Variants in ODF2 observed in about 807,000 individuals in gnomAD.
ODF2 encodes outer dense fiber of sperm tails 2.
In ODF2, 47 loss-of-function variants were observed where a neutral mutation model predicts 110.2. The observed-to-expected ratio is 0.43, with a 90% CI of 0.34 to 0.54. The LOEUF (loss-of-function observed/expected upper bound fraction) is 0.54. Ranked by LOEUF, ODF2 falls within the 20% of genes least tolerant of loss-of-function variation. The pLI, the probability that ODF2 is intolerant of heterozygous loss-of-function variation, is 0.03. For synonymous variants in ODF2, 352 were observed against 397.7 expected, an observed-to-expected ratio of 0.89 and a Z score of 1.37; for missense variants, 812 against 1,054.5, an observed-to-expected ratio of 0.77 and a Z score of 3.19.
chr9:128,462,306 A>C (rs1440830502), intron 4 of ODF2, among the ~76,000 whole-genome samples: 1 of 151,824 alleles, frequency 6.6e-6, no homozygotes, highest in Non-Finnish European at 1.5e-5. Flanking sequence ...ATGCACCACC[A>C]TCCCGGCTAG....
chr9:128,471,088 A>G (rs768200145), intron 5 of ODF2, among the ~76,000 whole-genome samples: 1 of 151,592 alleles, frequency 6.6e-6, no homozygotes, highest in Non-Finnish European at 1.5e-5. Flanking sequence ...TAATTTTTGT[A>G]TTTTCAGTAG....
intron 4 of ODF2, among the ~76,000 whole-genome samples, chr9:128,467,736 C>A (rs1303371085): frequency 8.8e-6 from 1 of 113,270 alleles, no homozygotes; most frequent in Non-Finnish European, 1.9e-5. Context: ...TGGAGTGAGA[C>A]CCTGTCTCAA....
At position 128,488,026 on chromosome 9, in the gene ODF2, G is replaced by T; in HGVS notation, c.1536+1G>T. The T allele has an allele frequency of 6.2e-7, 1 of 1,613,734 alleles. No homozygotes were observed. Among genetic ancestry groups the T allele is most frequent in the Non-Finnish European group, 8.5e-7 (1 of 1,179,854 alleles). On this transcript the variant is annotated splice_donor_variant, in intron 14 of 20. Coordinates refer to ENST00000604420, the Ensembl canonical transcript of ODF2. LOFTEE classifies it high-confidence loss of function. Reference sequence around the variant, plus strand: ...CAAGCTGGAGAATGAGAGGCTGAAGGTTCGCAGTGAGAGCTGGGGACCAGG... The same window carrying T: ...CAAGCTGGAGAATGAGAGGCTGAAGTTTCGCAGTGAGAGCTGGGGACCAGG...
At chr9:128,469,522 G>A (rs1839178814) in intron 5 of ODF2, 169 bp downstream of exon 5, 4 of 653,926 alleles carry the variant, frequency 6.1e-6, no homozygotes, top group South Asian at 1.8e-5. Context: ...GGGCAGCATG[G>A]GATCCCATCC....
chr9:128,462,497 T>A (rs1836743399), intron 4 of ODF2, among the ~76,000 whole-genome samples: 1 of 152,146 alleles, frequency 6.6e-6, no homozygotes, highest in South Asian at 2.1e-4. Context: ...GATTCAGCTG[T>A]TCTGGAGTCA....
At chr9:128,465,386 C>T (rs907158798) in intron 4 of ODF2, among the ~76,000 whole-genome samples, 1 of 152,138 alleles carries the variant, frequency 6.6e-6, no homozygotes, top group South Asian at 2.1e-4. Flanking sequence ...TATCTTACAA[C>T]TCCTGGAATA....
At position 128,473,479 on chromosome 9, in the gene ODF2, A is replaced by G; in HGVS notation, c.712-131A>G. The G allele has an allele frequency of 3.5e-6, 5 of 1,415,722 alleles. No individual in the cohort carries two copies. In the Admixed American group the frequency reaches 7.3e-5, roughly 21 times the overall value. The allele number at this position is 1,415,722 out of a possible 1,614,324, so 87.7% of individuals were successfully genotyped here. The stretch of plus-strand genomic sequence containing the variant: ...ACCGCTTCCAGGAAACCTGCCCTTG[A>G]TCACCTTGGCACTGTACACAGCCTG... On this transcript the variant is annotated intron_variant, in intron 7 of 20. Transcript: ENST00000604420.
At chr9:128,482,730 G>C in intron 9 of ODF2, 86 bp from the exon 10 acceptor site, 1 of 988,542 alleles carries the variant, frequency 1.0e-6, no homozygotes, top group Non-Finnish European at 1.6e-6. Context: ...GGCCCCAGTG[G>C]CCAGGTACTC....
intron 1 of ODF2, 29 bp downstream of exon 1, chr9:128,456,284 G>A (rs1212433081): frequency 5.2e-6 from 8 of 1,523,860 alleles, no homozygotes; most frequent in Non-Finnish European, 7.0e-6. Context: ...GCGGGATCCA[G>A]CGCCCTCCGG....
intron 3 of ODF2, chr9:128,460,663 C>T (rs368098001): frequency 1.1e-5 from 18 of 1,613,978 alleles, no homozygotes; most frequent in Non-Finnish European, 1.5e-5. Flanking sequence ...CGACCAGCAG[C>T]CAGGTAGGAG....
intron 10 of ODF2, among the ~76,000 whole-genome samples, chr9:128,483,720 A>C (rs1842852528): frequency 6.6e-6 from 1 of 151,968 alleles, no homozygotes. Context: ...CCCTGTCTCT[A>C]CTAAAAATAC....
At chr9:128,497,446 A>AAAAATATAAATAT (rs1554857542) in intron 18 of ODF2, 1 of 42,598 alleles carries the variant, frequency 2.3e-5, no homozygotes, top group Admixed American at 3.8e-4. Flanking sequence ...AAAAAAAAAA[A>AAAAATATAAATAT]ATATATATAT....
chr9:128,461,551 T>C (rs755539884), intron 4 of ODF2, among the ~76,000 whole-genome samples: 1 of 152,158 alleles, frequency 6.6e-6, no homozygotes, highest in Non-Finnish European at 1.5e-5. Context: ...CCCTAGTAGC[T>C]GGGACTACAG....
chr9:128,462,444 C>G lies in ODF2; in HGVS notation c.249+1377C>G, dbSNP rs574211983. On this transcript the variant is annotated intron_variant, in intron 4 of 20. Coordinates refer to ENST00000604420, the Ensembl canonical transcript of ODF2. The stretch of plus-strand genomic sequence containing the variant: ...GATTACAGGTGTGAGCCACCACACC[C>G]GGCCCGAATCTTTTAAAACGTTTTT... Among the ~76,000 whole-genome samples, 14 of 151,680 alleles carry G rather than the reference C, an allele frequency of 9.2e-5. No homozygotes were observed. In the South Asian group the frequency reaches 2.9e-3, roughly 32 times the overall value.
chr9:128,457,797 G>C (rs193000327), intron 2 of ODF2, among the ~76,000 whole-genome samples: 2 of 151,974 alleles, frequency 1.3e-5, no homozygotes, highest in African/African-American at 2.4e-5. Context: ...GAATCCAGGT[G>C]GTTTGACAAG....
chr9:128,459,375 C>T (rs373771558), intron 2 of ODF2, among the ~76,000 whole-genome samples, 192 bp from the exon 2 acceptor site: 5 of 152,154 alleles, frequency 3.3e-5, no homozygotes, highest in African/African-American at 1.2e-4. Context: ...TGCCTGTCAC[C>T]CTATTTCCAT....
intron 5 of ODF2, among the ~76,000 whole-genome samples, chr9:128,470,342 C>A (rs1233112226): frequency 6.6e-6 from 1 of 150,870 alleles, no homozygotes; most frequent in Non-Finnish European, 1.5e-5. Flanking sequence ...TAGAATAGGC[C>A]CTTCTTGGCC....
intron 8 of ODF2, among the ~76,000 whole-genome samples, chr9:128,476,439 C>T (rs1841276999): frequency 6.6e-6 from 1 of 151,940 alleles, no homozygotes; most frequent in Non-Finnish European, 1.5e-5. Flanking sequence ...AGGTGCATGC[C>T]ACCACACCGG....
At chr9:128,498,271 T>G in intron 18 of ODF2, 142 bp from the exon 19 acceptor site, 1 of 1,309,470 alleles carries the variant, frequency 7.6e-7, no homozygotes, top group Non-Finnish European at 1.0e-6. Flanking sequence ...GATCTGCAGA[T>G]TTCTTTGGCT....
Sources: gnomAD v4.1 joint callset for allele counts (sites outside exome capture counted in the v4.1 genomes callset) on GRCh38, gnomAD v4.1.1 for gene constraint, MANE v1.5 for transcripts, NCBI Gene and HGNC (gene_info 2026-07-23, HGNC 2026-07-21) for gene names.